Variants in MGAM observed in about 807,000 individuals in gnomAD.
MGAM encodes the protein maltase-glucoamylase, also known as alpha-1,4-glucosidase.
A neutral mutation model predicts 358.8 loss-of-function variants in MGAM; 253 were observed. That is an observed-to-expected ratio of 0.71 (90% CI 0.64 to 0.78). The LOEUF is 0.78. MGAM is among the 30% of genes least tolerant of loss of function. The pLI is 0.00. For missense variants in MGAM, 3,080 were observed against 3,432.6 expected (o/e 0.90, Z 2.57); for synonymous variants, 1,105 against 1,227.1 (o/e 0.90, Z 2.08).
chr7:142,077,034 C>G, intron 47 of MGAM, among the ~76,000 whole-genome samples: 1 of 145,072 alleles, frequency 6.9e-6, no homozygotes, highest in East Asian at 2.1e-4. Context: ...TCTTCTTATT[C>G]CCTTCTCTGC....
intron 19 of MGAM, 35 bp downstream of exon 19, chr7:142,038,650 T>G: frequency 1.4e-6 from 2 of 1,481,180 alleles, no homozygotes; most frequent in Non-Finnish European, 1.8e-6. Flanking sequence ...TAGAGATCTC[T>G]GCATCTGTAT....
At chr7:142,061,428 G>T (rs10228658) in intron 34 of MGAM, among the ~76,000 whole-genome samples, 20,047 of 151,932 alleles carry the variant, frequency 0.13, 1,778 homozygotes, top group East Asian at 0.42. Context: ...GCATGCCCAC[G>T]TCTCTCAAGA....
Position 142,090,289 on chromosome 7 carries a change from G to A in MGAM, c.6811-1624G>A, listed in dbSNP as rs141304068. On this transcript the variant is annotated intron_variant, in intron 57 of 70. Coordinates refer to ENST00000475668, the MANE Select transcript of MGAM (RefSeq NM_001365693.1). The stretch of plus-strand genomic sequence containing the variant: ...TCATGGCTGGCCAAGTTCACCACGT[G>A]TACCCCATATGGGATACAATTCTGA... Among the ~76,000 whole-genome samples, 38 of 145,934 alleles carry A rather than the reference G, an allele frequency of 2.6e-4. 2 individuals carry two copies. The highest frequency in any genetic ancestry group is 7.3e-4 in the African/African-American group (30 of 41,204).
In MGAM at chr7:142,047,865, A is replaced by G; in HGVS notation, c.2579A>G (p.Glu860Gly). The change falls in exon 22 of 71, where the codon GAA becomes GGA. Residue 860 changes from glutamate (E) to glycine (G), a missense_variant. This residue lies in a region of MGAM where 1,816 missense variants were observed against 1,840.5 expected (regional missense o/e 0.99). Transcript: ENST00000475668. The stretch of plus-strand genomic sequence containing the variant: ...GGAGAACTTTTCTGGGATAATGGGG[A>G]AACGAAGGGTGAGCACTTATACGAT... ...AKGELFWDNG[E>G]TKDTVANKVY... 6.2e-7 allele frequency: 1 copy of G among 1,602,634 alleles called. No individual in the cohort carries two copies. The highest frequency in any genetic ancestry group is 8.5e-7 in the Non-Finnish European group (1 of 1,170,068).
chr7:142,041,942 A>G (rs1288387750), intron 21 of MGAM, among the ~76,000 whole-genome samples: 2 of 16,900 alleles, frequency 1.2e-4, no homozygotes, highest in African/African-American at 1.6e-4. Flanking sequence ...TATATATTAT[A>G]TATATACATA....
Position 142,059,542 on chromosome 7 carries a change from G to T in MGAM, c.3890G>T (p.Gly1297Val). 2 of 1,613,092 alleles carry T rather than the reference G, an allele frequency of 1.2e-6. No individual in the cohort carries two copies. Among genetic ancestry groups the T allele is most frequent in the Non-Finnish European group, 1.7e-6 (2 of 1,179,168 alleles). Residue 1297 changes from glycine (G) to valine (V), a missense_variant, in exon 32 of 71, where the codon GGG becomes GTG. This residue lies in a region of MGAM where 1,816 missense variants were observed against 1,840.5 expected (regional missense o/e 0.99). Coordinates refer to ENST00000475668, the MANE Select transcript of MGAM (RefSeq NM_001365693.1). ...TTCACCCTCAGCCCCAAGTTTGCTG[G>T]GTTTCCAGCTCTGATCAATCGCATG... ...LDFTLSPKFA[G>V]FPALINRMKA...
At chr7:142,033,292 T>C (rs2129005466) in intron 14 of MGAM, among the ~76,000 whole-genome samples, 1 of 152,246 alleles carries the variant, frequency 6.6e-6, no homozygotes, top group South Asian at 2.1e-4. Context: ...GGGTTATGTC[T>C]GATGTGTCCA....
At chr7:142,074,567 A>G (rs1236230724) in intron 45 of MGAM, among the ~76,000 whole-genome samples, 3 of 146,318 alleles carry the variant, frequency 2.1e-5, no homozygotes, top group African/African-American at 7.3e-5. Flanking sequence ...ATACTGTTCT[A>G]GTGTGTACTC....
At chr7:142,030,522 A>G in intron 11 of MGAM, 29 bp downstream of exon 11, 4 of 1,613,014 alleles carry the variant, frequency 2.5e-6, no homozygotes, top group Middle Eastern at 1.7e-4. Context: ...CCACCAAATT[A>G]GGTATTTGCT....
chr7:142,067,994 T>A lies in MGAM; in HGVS notation c.5004+569T>A, dbSNP rs1428493799. 1.9e-4 allele frequency among the ~76,000 whole-genome samples: 9 copies of A among 47,020 alleles called. 2 individuals are homozygous for A. Among genetic ancestry groups the A allele is most frequent in the African/African-American group, 5.1e-4 (9 of 17,742 alleles). The allele number at this position is 47,020 out of a possible 152,430, so 30.8% of individuals were successfully genotyped here. A position where few individuals can be genotyped will look rare whatever the true frequency, so the allele number is the denominator to read the frequency against. On this transcript the variant is annotated intron_variant, in intron 42 of 70. Coordinates refer to ENST00000475668, the MANE Select transcript of MGAM (RefSeq NM_001365693.1). Reference sequence around the variant, plus strand: ...TATATATATATATATATATTTTTTTTTTTTTTTTTTTGAGACAGAGTCTCA... The same window carrying A: ...TATATATATATATATATATTTTTTTATTTTTTTTTTTGAGACAGAGTCTCA...
chr7:142,043,797 T>C (rs1169782001), intron 21 of MGAM, among the ~76,000 whole-genome samples: 3 of 98,076 alleles, frequency 3.1e-5, no homozygotes, highest in African/African-American at 8.8e-5. Flanking sequence ...ACATATAATA[T>C]ATACATTATA....
At chr7:141,986,848 A>T (rs1359068534) in intron 2 of MGAM, among the ~76,000 whole-genome samples, 1 of 152,168 alleles carries the variant, frequency 6.6e-6, no homozygotes, top group African/African-American at 2.4e-5. Context: ...CTCCTAGGGT[A>T]TGTGTACCCT....
At chr7:142,097,476 A>G in intron 65 of MGAM, 117 bp from the exon 66 acceptor site, 1 of 955,988 alleles carries the variant, frequency 1.0e-6, no homozygotes. Flanking sequence ...ACCTCCTGGG[A>G]CATGAGGCAA....
chr7:142,105,346 G>C (rs1816759712), intron 70 of MGAM, among the ~76,000 whole-genome samples: 1 of 151,062 alleles, frequency 6.6e-6, no homozygotes. Context: ...GAAGTACACT[G>C]GTGCAATCTT....
rs1384044094 is a variant in MGAM at position 142,019,296 on chromosome 7, G to T, written c.425G>T (p.Gly142Val). 1 of 1,613,138 alleles carries T rather than the reference G, an allele frequency of 6.2e-7. No homozygotes were observed. The highest frequency in any genetic ancestry group is 8.5e-7 in the Non-Finnish European group (1 of 1,179,642). The change falls in exon 4 of 71, where the codon GGC (glycine) becomes GTC (valine). Residue 142 changes from glycine to valine, a missense_variant. By Grantham distance (109) the Gly-to-Val change is moderately radical. Transcript: ENST00000475668. ...YSKNHSYHVE[G>V]NLVNTNAGFT... is the part of the protein sequence containing the mutation. ...AAGAATCATAGCTACCATGTAGAGG[G>T]CAACCTTGTCAACACAAATGCAGGT...
At position 142,088,988 on chromosome 7, in the gene MGAM, GTATGTATGTATCTATCTATC is replaced by G. The variant is rs1171716186; in HGVS notation, c.6810+2275_6810+2294del. On this transcript the variant is annotated intron_variant, in intron 57 of 70. Transcript: ENST00000475668. The stretch of plus-strand genomic sequence containing the variant: ...TCTATGTATGTATGTATGTATGTAT[GTATGTATGTATCTATCTATC>G]TATCTATCTATCTATCTATCTATCT... 4.5e-3 allele frequency among the ~76,000 whole-genome samples: 409 copies of G among 91,020 alleles called. 11 individuals are homozygous for G. Among genetic ancestry groups the G allele is most frequent in the African/African-American group, 0.014 (383 of 26,796 alleles). The allele number at this position is 91,020 out of a possible 152,430, so 59.7% of individuals were successfully genotyped here. A position where few individuals can be genotyped will look rare whatever the true frequency, so the allele number is the denominator to read the frequency against.
chr7:142,052,796 T>C lies in MGAM; in HGVS notation c.2971T>C (p.Ser991Pro), dbSNP rs764012099. ...RGCIWEASNS[S>P]GVPFCYFVND... ...CCTTACTTTTCAGGCATCCAATTCT[T>C]CTGGAGTCCCTTTTTGCTATTTTGT... Residue 991 changes from serine to proline, a missense_variant, in exon 26 of 71, where the codon TCT becomes CCT. Ser to Pro is a moderately conservative substitution (Grantham distance 74). Transcript: ENST00000475668. The C allele has an allele frequency of 4.3e-6, 7 of 1,613,872 alleles. No individual in the cohort carries two copies. In the South Asian group the frequency reaches 6.6e-5, roughly 15 times the overall value.
At chr7:141,999,448 G>A (rs1368761698) in intron 1 of MGAM, among the ~76,000 whole-genome samples, 1 of 152,178 alleles carries the variant, frequency 6.6e-6, no homozygotes, top group South Asian at 2.1e-4. Flanking sequence ...AAGGGCAGGT[G>A]TTCAAATTGT....
chr7:142,068,850 G>C (rs1394091864), intron 43 of MGAM, 147 bp downstream of exon 43: 1 of 701,574 alleles, frequency 1.4e-6, no homozygotes, highest in Non-Finnish European at 2.4e-6. Flanking sequence ...TGTAATCTCA[G>C]TTTTCTCACC....
Sources: gnomAD v4.1 joint callset for allele counts (sites outside exome capture counted in the v4.1 genomes callset) on GRCh38, gnomAD v4.1.1 for gene constraint, gnomAD v4.1.1 regional missense constraint, MANE v1.5 for transcripts, NCBI Gene and HGNC (gene_info 2026-07-23, HGNC 2026-07-21) for gene names.